Variants in DMD observed in about 807,000 individuals in gnomAD.
The protein encoded by DMD is mutant dystrophin.
A neutral mutation model predicts 330.1 loss-of-function variants in DMD; 63 were observed. The ratio of observed to expected loss-of-function variants is 0.19; its 90% CI spans 0.16 to 0.24. The LOEUF is 0.24. Ranked by LOEUF, DMD falls within the 10% of genes least tolerant of loss-of-function variation. The pLI is 1.00. For synonymous variants in DMD, 1,223 were observed against 959.8 expected (o/e 1.27, Z -5.07); for missense variants, 3,344 against 2,684.1 (o/e 1.25, Z -5.43).
chrX:32,666,827 CAA>C (rs59974295), intron 9 of DMD, among the ~76,000 whole-genome samples: 4 of 83,932 alleles, frequency 4.8e-5, no homozygotes, highest in African/African-American at 8.4e-5. Flanking sequence ...AATCTGTCTC[CAA>C]AAAAAAAAAA....
At chrX:32,931,261 A>C (rs751565655) in intron 2 of DMD, among the ~76,000 whole-genome samples, 1 of 110,549 alleles carries the variant, frequency 9.0e-6, no homozygotes, top group South Asian at 3.7e-4. Flanking sequence ...ATGGAATCCT[A>C]ATAAGGAGAT....
At chrX:32,859,581 A>T (rs755441871) in intron 2 of DMD, among the ~76,000 whole-genome samples, 1 of 110,768 alleles carries the variant, frequency 9.0e-6, no homozygotes, top group African/African-American at 3.3e-5. Flanking sequence ...AATGTTTTCT[A>T]TTAGTTTGGC....
chrX:32,696,926 G>A (rs35450356), intron 9 of DMD, among the ~76,000 whole-genome samples: 16,468 of 110,215 alleles, frequency 0.15, 2,925 homozygotes, highest in African/African-American at 0.5. Context: ...CTAATGCATC[G>A]ATTAACTGCC....
intron 30 of DMD, among the ~76,000 whole-genome samples, chrX:32,405,620 G>T (rs186147810): frequency 6.3e-5 from 7 of 111,201 alleles, no homozygotes; most frequent in African/African-American, 2.3e-4. Flanking sequence ...ATTTAAGACT[G>T]TGGTACCAGT....
intron 9 of DMD, among the ~76,000 whole-genome samples, chrX:32,658,123 CTAAACA>C (rs773531452): frequency 4.7e-4 from 52 of 111,440 alleles, no homozygotes; most frequent in African/African-American, 1.5e-3. Context: ...TGAGGAGAAC[CTAAACA>C]TAAATATTCC....
At chrX:32,988,504 C>A (rs2092903399) in intron 2 of DMD, among the ~76,000 whole-genome samples, 2 of 112,316 alleles carry the variant, frequency 1.8e-5, no homozygotes, top group African/African-American at 6.5e-5. Flanking sequence ...CAGATCCACT[C>A]TGAGCATATC....
chrX:31,321,679 C>T (rs1348740906), intron 62 of DMD, among the ~76,000 whole-genome samples: 1 of 107,331 alleles, frequency 9.3e-6, no homozygotes, highest in East Asian at 2.9e-4. Context: ...ATGACAGAGC[C>T]TCTAAGACTA....
chrX:31,210,655 A>T (rs1367958658), intron 64 of DMD, among the ~76,000 whole-genome samples: 2 of 112,283 alleles, frequency 1.8e-5, no homozygotes, highest in Non-Finnish European at 3.8e-5. Context: ...ATCAATGCTA[A>T]TTAAGTAAAT....
chrX:32,575,785 G>A (rs912487079), intron 13 of DMD, among the ~76,000 whole-genome samples: 1 of 111,868 alleles, frequency 8.9e-6, no homozygotes, highest in Admixed American at 9.5e-5. Flanking sequence ...AAGTCAAAAT[G>A]TGGGAAATTT....
chrX:31,653,196 G>C (rs2080564312), intron 54 of DMD, among the ~76,000 whole-genome samples: 1 of 111,143 alleles, frequency 9.0e-6, no homozygotes, highest in South Asian at 3.8e-4. Context: ...GTGCCTTCAA[G>C]GTTGTCAAAG....
intron 55 of DMD, among the ~76,000 whole-genome samples, chrX:31,519,578 T>C (rs375165722): frequency 8.3e-4 from 92 of 111,504 alleles, no homozygotes; most frequent in African/African-American, 2.7e-3. Context: ...AAAACAACCC[T>C]ACACTGATGT....
At chrX:31,236,693 C>A (rs903826634) in intron 63 of DMD, among the ~76,000 whole-genome samples, 2 of 112,197 alleles carry the variant, frequency 1.8e-5, no homozygotes, top group Admixed American at 9.4e-5. Flanking sequence ...ATACAAGTTA[C>A]TTCTCTGGAA....
In DMD at chrX:32,677,293, A is replaced by C. The variant is rs916322778; in HGVS notation, c.960+20577T>G. On this transcript the variant is annotated intron_variant, in intron 9 of 78. Coordinates refer to ENST00000357033, the MANE Select transcript of DMD (RefSeq NM_004006.3). ...ATATGCCATGCAATTAAACTCTTTTATATCTTAACTTTGTAGTGGCTTCAT... is the reference window on the plus strand; with the variant it reads ...ATATGCCATGCAATTAAACTCTTTTCTATCTTAACTTTGTAGTGGCTTCAT... 3.2e-4 allele frequency among the ~76,000 whole-genome samples: 36 copies of C among 111,547 alleles called. 1 individual carries two copies. Among genetic ancestry groups the C allele is most frequent in the African/African-American group, 1.1e-3 (35 of 30,880 alleles).
At chrX:32,412,328 C>CT in intron 29 of DMD, 1 of 653,138 alleles carries the variant, frequency 1.5e-6, no homozygotes, top group Non-Finnish European at 2.2e-6. Context: ...AGATAATCTG[C>CT]TTCCACCAGT....
chrX:32,628,077 G>T (rs966557850), intron 11 of DMD, among the ~76,000 whole-genome samples: 1 of 107,168 alleles, frequency 9.3e-6, no homozygotes, highest in African/African-American at 3.4e-5. Flanking sequence ...ATTTTAAAAC[G>T]TACAACAAAT....
intron 44 of DMD, among the ~76,000 whole-genome samples, chrX:32,029,050 T>C (rs1316875856): frequency 9.0e-6 from 1 of 110,835 alleles, no homozygotes; most frequent in Non-Finnish European, 1.9e-5. Flanking sequence ...CCAACAACCC[T>C]GCAGCTTTTC....
At chrX:33,215,186 G>A (rs191411095), upstream of DMD, among the ~76,000 whole-genome samples, 93 of 109,294 alleles carry the variant, frequency 8.5e-4, no homozygotes, top group African/African-American at 2.9e-3. Flanking sequence ...AAATACAGCC[G>A]TGATGTCAGG....
At position 32,993,842 on chromosome X, in the gene DMD, T is replaced by C. The variant is rs749382218; in HGVS notation, c.93+26297A>G. ...ACAAGGTTCATAGCTGAGACCCCTA[T>C]AGCAAAAGAAAGGTTAACAAGAGAA... On this transcript the variant is annotated intron_variant, in intron 2 of 78. Coordinates refer to ENST00000357033, the MANE Select transcript of DMD (RefSeq NM_004006.3). Among the ~76,000 whole-genome samples the C allele has an allele frequency of 2.3e-4, 25 of 110,466 alleles. No homozygotes were observed. In the South Asian group the frequency reaches 4.7e-3, roughly 21 times the overall value.
chrX:31,937,487 A>T (rs1406112617), intron 45 of DMD, among the ~76,000 whole-genome samples: 1 of 111,713 alleles, frequency 9.0e-6, no homozygotes, highest in Non-Finnish European at 1.9e-5. Context: ...AACATTTGGT[A>T]GTCATTTCTT....
Sources: allele counts gnomAD v4.1 joint callset (sites outside exome capture counted in the v4.1 genomes callset), GRCh38; gene constraint gnomAD v4.1.1; transcripts MANE v1.5; gene names NCBI Gene and HGNC (gene_info 2026-07-23, HGNC 2026-07-21).